Variants in APBA2 observed in about 807,000 individuals in gnomAD.
APBA2 encodes the protein amyloid beta precursor protein binding family A member 2, also known as amyloid-beta A4 precursor protein-binding family A member 2.
A neutral mutation model predicts 75.0 loss-of-function variants in APBA2; 30 were observed. That is an observed-to-expected ratio of 0.40 (90% CI 0.30 to 0.54). The LOEUF (loss-of-function observed/expected upper bound fraction) is 0.54. APBA2 is among the 20% of genes least tolerant of loss of function. The pLI is 0.49. For synonymous variants in APBA2, 444 were observed against 409.6 expected, an observed-to-expected ratio of 1.08 and a Z score of -1.01; for missense variants, 801 against 1,016.1, an observed-to-expected ratio of 0.79 and a Z score of 2.88.
intron 2 of APBA2, among the ~76,000 whole-genome samples, chr15:28,945,382 G>A (rs926917540): frequency 6.6e-6 from 1 of 152,282 alleles, no homozygotes; most frequent in African/African-American, 2.4e-5. Flanking sequence ...GGGTGATGTC[G>A]TTGGGATGGT....
chr15:29,000,915 C>T (rs1000310754), intron 3 of APBA2, among the ~76,000 whole-genome samples: 4 of 152,198 alleles, frequency 2.6e-5, no homozygotes, highest in Non-Finnish European at 4.4e-5. Flanking sequence ...TGCACATTGA[C>T]CTGGCTCTGC....
chr15:29,000,971 C>T (rs2038812909), intron 3 of APBA2, among the ~76,000 whole-genome samples: 1 of 152,158 alleles, frequency 6.6e-6, no homozygotes, highest in African/African-American at 2.4e-5. Flanking sequence ...CTGGCCCTGC[C>T]TGTGTGGCTG....
chr15:28,933,284 A>G (rs761515883), intron 2 of APBA2, among the ~76,000 whole-genome samples: 1 of 152,160 alleles, frequency 6.6e-6, no homozygotes, highest in Non-Finnish European at 1.5e-5. Flanking sequence ...TGAAGCCCTC[A>G]TAATGGGATC....
chr15:28,991,480 C>T lies in APBA2; in HGVS notation c.-94-4273C>T, dbSNP rs150751204. On this transcript the variant is annotated intron_variant, in intron 2 of 14. Transcript: ENST00000683413. The surrounding 1 kb of genome is among the most constrained non-coding windows in gnomAD (Gnocchi z 4.7). ...CAGGTGTTGAGCTCTGCCAGCTGCCCGGCCCCACTGTGAGGCCGCCCCTTG... is the reference window on the plus strand; with the variant it reads ...CAGGTGTTGAGCTCTGCCAGCTGCCTGGCCCCACTGTGAGGCCGCCCCTTG... Among the ~76,000 whole-genome samples the T allele has an allele frequency of 1.4e-3, 209 of 152,306 alleles. 2 individuals are homozygous for T. Among genetic ancestry groups the T allele is most frequent in the African/African-American group, 4.8e-3 (198 of 41,564 alleles).
chr15:29,039,098 G>GGTGT (rs57326919), intron 3 of APBA2, among the ~76,000 whole-genome samples: 6,875 of 106,190 alleles, frequency 0.065, 496 homozygotes, highest in Non-Finnish European at 0.088. Flanking sequence ...TGTATGTCAG[G>GGTGT]GTGTGTGTGT....
intron 1 of APBA2, among the ~76,000 whole-genome samples, chr15:28,903,600 G>A (rs977552313): frequency 3.9e-5 from 6 of 152,216 alleles, no homozygotes; most frequent in African/African-American, 4.8e-5. Context: ...GTAAATGGGC[G>A]GGGACCCCGT....
chr15:28,928,301 G>T (rs2034386523), intron 2 of APBA2, among the ~76,000 whole-genome samples: 1 of 152,138 alleles, frequency 6.6e-6, no homozygotes. Context: ...TACGTGTAAT[G>T]TTTGTTGTAG....
intron 2 of APBA2, among the ~76,000 whole-genome samples, chr15:28,979,491 A>G (rs530034896): frequency 6.6e-6 from 1 of 152,322 alleles, no homozygotes; most frequent in Non-Finnish European, 1.5e-5. Context: ...GTTTTGGACA[A>G]TGAGGCTTCC....
rs562505239 is a variant in APBA2 at position 28,995,443 on chromosome 15, A to G, written c.-94-310A>G. On this transcript the variant is annotated intron_variant, in intron 2 of 14. Coordinates refer to ENST00000683413, the MANE Select transcript of APBA2 (RefSeq NM_001353788.2). ...CTTTGTTGTGGGAAAATACATATTC[A>G]TGAGGGCTTTGAGGAGCCTCATTAA... Among the ~76,000 whole-genome samples, 5 of 152,294 alleles carry G rather than the reference A, an allele frequency of 3.3e-5. No homozygotes were observed. In the East Asian group the frequency reaches 9.7e-4, roughly 29 times the overall value.
intron 2 of APBA2, among the ~76,000 whole-genome samples, chr15:28,956,030 G>A (rs1232404466): frequency 6.6e-6 from 1 of 152,234 alleles, no homozygotes; most frequent in African/African-American, 2.4e-5. Context: ...CTGGGGGTTT[G>A]TATGCACATC....
chr15:29,106,340 C>T (rs1016763991), intron 11 of APBA2, among the ~76,000 whole-genome samples: 19 of 124,392 alleles, frequency 1.5e-4, no homozygotes, highest in African/African-American at 4.6e-4. Context: ...ATGCCAGGCA[C>T]GGGTGGGGAT....
chr15:28,926,490 A>G (rs1244370664), intron 2 of APBA2, among the ~76,000 whole-genome samples: 8 of 152,174 alleles, frequency 5.3e-5, no homozygotes, highest in East Asian at 3.9e-4. Flanking sequence ...AATTATTTCA[A>G]TTATCCATAT....
chr15:29,103,885 C>T (rs1565402), intron 10 of APBA2, among the ~76,000 whole-genome samples: 100,853 of 152,232 alleles, frequency 0.66, 38,643 homozygotes, highest in Middle Eastern at 0.85. Context: ...CCTGCCGAGC[C>T]CCATCAGCTC....
intron 2 of APBA2, among the ~76,000 whole-genome samples, chr15:28,986,692 C>G (rs2037945683): frequency 6.6e-6 from 1 of 152,128 alleles, no homozygotes. Flanking sequence ...GTCTTGAACT[C>G]CTGACCTCAG....
intron 6 of APBA2, among the ~76,000 whole-genome samples, chr15:29,078,957 A>G (rs775767764): frequency 1.5e-4 from 23 of 152,330 alleles, no homozygotes; most frequent in Non-Finnish European, 4.4e-5. Context: ...CCTGAAAGGC[A>G]GCGTGTCAGC....
At position 28,950,734 on chromosome 15, in the gene APBA2, C is replaced by G. The variant is rs141268625; in HGVS notation, c.-95+28985C>G. 2.9e-3 allele frequency among the ~76,000 whole-genome samples: 436 copies of G among 152,270 alleles called. 1 individual carries two copies. The highest frequency in any genetic ancestry group is 9.8e-3 in the African/African-American group (408 of 41,556). On this transcript the variant is annotated intron_variant, in intron 2 of 14. Transcript: ENST00000683413. The stretch of plus-strand genomic sequence containing the variant: ...CATGCTTAAGGAATGTGGAGTTACA[C>G]TCCACTCCTTCATGGGGGGTGGGGA...
At position 29,117,413 on chromosome 15, in the gene APBA2, T is replaced by TGTC. The variant is rs918364048; in HGVS notation, c.*281_*283dup. ...TCTTCTCCCTGCACAAGCCAGGGTGTGTCTCGGTAGCTGTGCGTGGTGTGG... is the reference window on the plus strand; with the variant it reads ...TCTTCTCCCTGCACAAGCCAGGGTGTGTCGTCTCGGTAGCTGTGCGTGGTGTGG... On this transcript the variant is annotated 3_prime_UTR_variant, in exon 15 of 15. Coordinates refer to ENST00000683413, the MANE Select transcript of APBA2 (RefSeq NM_001353788.2). 117 of 524,360 alleles carry TGTC rather than the reference T, an allele frequency of 2.2e-4. No homozygotes were observed. The highest frequency in any genetic ancestry group is 2.0e-3 in the African/African-American group (103 of 52,132). 32.5% of individuals were successfully genotyped at this position (524,360 alleles called of 1,614,324 possible).
chr15:29,055,668 AGTGTGTGTGTGTGT>A lies in APBA2; in HGVS notation c.951+864_951+877del, dbSNP rs57671107. On this transcript the variant is annotated intron_variant, in intron 4 of 14. Transcript: ENST00000683413. ...TTTCCGAGAAGAGTTCATGAATTTG[AGTGTGTGTGTGTGT>A]GTGTGTGTGTGTGTGTGTGTGTGTG... Among the ~76,000 whole-genome samples the A allele has an allele frequency of 1.2e-3, 158 of 127,534 alleles. 3 individuals carry two copies. The East Asian group carries it at 0.022, about 18-fold the overall frequency. The allele number at this position is 127,534 out of a possible 152,430, so 83.7% of individuals were successfully genotyped here. A position where few individuals can be genotyped will look rare whatever the true frequency, so the allele number is the denominator to read the frequency against.
At chr15:29,059,359 G>A (rs939594682) in intron 4 of APBA2, among the ~76,000 whole-genome samples, 1 of 152,096 alleles carries the variant, frequency 6.6e-6, no homozygotes, top group African/African-American at 2.4e-5. Context: ...GTGCTGACTC[G>A]TCTATGCTGC....
Sources: gnomAD v4.1 joint callset for allele counts (sites outside exome capture counted in the v4.1 genomes callset) on GRCh38, gnomAD v4.1.1 for gene constraint, Gnocchi (gnomAD v3.1) non-coding constraint, MANE v1.5 for transcripts, NCBI Gene and HGNC (gene_info 2026-07-23, HGNC 2026-07-21) for gene names.